The following ADAMTSL1 variants were observed in gnomAD, a reference collection of about 807,000 sequenced individuals.
ADAMTSL1 encodes ADAMTS-like protein 1.
In ADAMTSL1, 126 loss-of-function variants were observed where a neutral mutation model predicts 201.8. That is an observed-to-expected ratio of 0.62 (90% CI 0.54 to 0.72). The LOEUF is 0.72. Ranked by LOEUF, ADAMTSL1 falls within the 30% of genes least tolerant of loss-of-function variation. The probability of loss-of-function intolerance (pLI) is 0.00; values close to 1 mark genes in which losing one functional copy is unlikely to be tolerated. For missense variants in ADAMTSL1, 2,679 were observed against 2,277.8 expected, an observed-to-expected ratio of 1.18 and a Z score of -3.59; for synonymous variants, 1,121 against 903.4, an observed-to-expected ratio of 1.24 and a Z score of -4.32.
intron 15 of ADAMTSL1, among the ~76,000 whole-genome samples, chr9:18,729,817 T>G (rs1312607270): frequency 3.3e-5 from 5 of 152,202 alleles, no homozygotes; most frequent in African/African-American, 1.2e-4. Flanking sequence ...ACACTTATTA[T>G]CTTAAGCCTC....
At chr9:18,238,208 AT>A in intron 2 of ADAMTSL1, among the ~76,000 whole-genome samples, 1 of 152,298 alleles carries the variant, frequency 6.6e-6, no homozygotes, top group Non-Finnish European at 1.5e-5. Flanking sequence ...CTATGTGGAA[AT>A]TTCTGTGAAA....
At chr9:18,324,416 T>TC (rs1834745629) in intron 2 of ADAMTSL1, among the ~76,000 whole-genome samples, 1 of 151,700 alleles carries the variant, frequency 6.6e-6, no homozygotes, top group Non-Finnish European at 1.5e-5. Context: ...CAAAGATTTT[T>TC]TTTTTTTTTT....
chr9:18,676,026 A>G, intron 10 of ADAMTSL1, 119 bp downstream of exon 10: 2 of 1,021,538 alleles, frequency 2.0e-6, no homozygotes, highest in Middle Eastern at 2.1e-4. Flanking sequence ...AAGATGGTAG[A>G]TGGTATATTT....
chr9:18,278,134 A>G lies in ADAMTSL1; in HGVS notation c.207+114153A>G, dbSNP rs1374584068. On this transcript the variant is annotated intron_variant, in intron 2 of 29. Transcript: ENST00000680146. ...TGTGTATTCATTAGGAAACTATTTT[A>G]TAGTTATTTTTAATACTTTATCATT... 3.3e-5 allele frequency among the ~76,000 whole-genome samples: 5 copies of G among 152,248 alleles called. No homozygotes were observed. The East Asian group carries it at 9.7e-4, about 29-fold the overall frequency.
rs532657614 is a variant in ADAMTSL1, at chr9:18,711,438, CG to C, written c.1876+4391del. Among the ~76,000 whole-genome samples, 10 of 149,562 alleles carry C rather than the reference CG, an allele frequency of 6.7e-5. No individual in the cohort carries two copies. The East Asian group carries it at 2.0e-3, about 30-fold the overall frequency. On this transcript the variant is annotated intron_variant, in intron 14 of 28. Coordinates refer to ENST00000380548, the MANE Select transcript of ADAMTSL1 (RefSeq NM_001040272.6). ...GCGAGGCATTGCCTCACTCGGGAAG[CG>C]CAAGGGGTCAGGGAGTTCCCTTTCC...
At chr9:18,718,103 G>T in intron 14 of ADAMTSL1, 1 of 1,284,622 alleles carries the variant, frequency 7.8e-7, no homozygotes, top group Non-Finnish European at 1.1e-6. Context: ...ATCTAAGAAT[G>T]CACAGTTGTT....
intron 26 of ADAMTSL1, among the ~76,000 whole-genome samples, chr9:18,895,484 G>C (rs372263500): frequency 7.9e-5 from 11 of 138,530 alleles, no homozygotes; most frequent in African/African-American, 3.0e-4. Context: ...GCCACTACTT[G>C]TGAAATCTGC....
intron 1 of ADAMTSL1, among the ~76,000 whole-genome samples, chr9:18,020,002 G>A (rs1055017667): frequency 6.6e-6 from 1 of 152,038 alleles, no homozygotes; most frequent in East Asian, 1.9e-4. Context: ...GAACACAAAT[G>A]TGTACATTGG....
chr9:18,539,014 T>C (rs1819968681), intron 3 of ADAMTSL1, among the ~76,000 whole-genome samples: 1 of 148,114 alleles, frequency 6.8e-6, no homozygotes, highest in Non-Finnish European at 1.5e-5. Flanking sequence ...GTGAGCCAAC[T>C]CTTTCCAGCC....
chr9:18,553,356 A>G (rs1320652221), intron 3 of ADAMTSL1, among the ~76,000 whole-genome samples: 1 of 151,564 alleles, frequency 6.6e-6, no homozygotes, highest in Non-Finnish European at 1.5e-5. Flanking sequence ...CCTATCAAAT[A>G]ATTCATGTCT....
At chr9:18,085,759 A>ATG (rs1304845520) in intron 1 of ADAMTSL1, among the ~76,000 whole-genome samples, 6 of 151,030 alleles carry the variant, frequency 4.0e-5, no homozygotes, top group African/African-American at 1.2e-4. Flanking sequence ...ATACATATAT[A>ATG]TGTGTGTGTG....
rs185097800 is a variant in ADAMTSL1 at position 18,526,346 on chromosome 9, T to C, written c.192-6901T>C. Among the ~76,000 whole-genome samples, 502 of 152,370 alleles carry C rather than the reference T, an allele frequency of 3.3e-3. 6 individuals carry two copies. Among genetic ancestry groups the C allele is most frequent in the East Asian group, 0.02 (106 of 5,188 alleles). On this transcript the variant is annotated intron_variant, in intron 2 of 28. Transcript: ENST00000380548. ...CCTATGTGTGTCTCTGCACATGAGATGGGTCTCCTGAATACAGCACACTGA... is the reference window on the plus strand; with the variant it reads ...CCTATGTGTGTCTCTGCACATGAGACGGGTCTCCTGAATACAGCACACTGA...
At chr9:18,125,367 T>C (rs1192061102) in intron 1 of ADAMTSL1, among the ~76,000 whole-genome samples, 1 of 152,108 alleles carries the variant, frequency 6.6e-6, no homozygotes, top group Admixed American at 6.5e-5. Flanking sequence ...CCCACGACCA[T>C]GTGGGAGTTG....
At chr9:18,178,180 G>A (rs992288818) in intron 2 of ADAMTSL1, among the ~76,000 whole-genome samples, 16 of 152,316 alleles carry the variant, frequency 1.1e-4, no homozygotes, top group South Asian at 2.1e-4. Context: ...CACTGTGCGC[G>A]AGCCGAAGCA....
chr9:18,806,373 G>C (rs960081458), intron 20 of ADAMTSL1, among the ~76,000 whole-genome samples: 2 of 152,204 alleles, frequency 1.3e-5, no homozygotes, highest in Non-Finnish European at 2.9e-5. Flanking sequence ...AAAAAGGCTG[G>C]AAAATTATCT....
At chr9:17,926,234 A>G (rs1310143496) in intron 1 of ADAMTSL1, among the ~76,000 whole-genome samples, 1 of 152,210 alleles carries the variant, frequency 6.6e-6, no homozygotes, top group Non-Finnish European at 1.5e-5. Context: ...GTTGTTTATT[A>G]TTAAAGAGTG....
intron 2 of ADAMTSL1, among the ~76,000 whole-genome samples, chr9:18,425,109 A>T (rs1483954845): frequency 6.6e-6 from 1 of 151,894 alleles, no homozygotes; most frequent in Non-Finnish European, 1.5e-5. Flanking sequence ...TCTGCTTTGC[A>T]ATTTTTCTGT....
chr9:18,644,891 G>C (rs1368709156), intron 7 of ADAMTSL1, among the ~76,000 whole-genome samples: 3 of 151,602 alleles, frequency 2.0e-5, no homozygotes, highest in Non-Finnish European at 4.4e-5. Flanking sequence ...ATAGTCCTTT[G>C]GGTATATACC....
At chr9:18,430,028 G>A (rs1160344121) in intron 2 of ADAMTSL1, among the ~76,000 whole-genome samples, 1 of 152,114 alleles carries the variant, frequency 6.6e-6, no homozygotes, top group Non-Finnish European at 1.5e-5. Context: ...GACCTCAGGT[G>A]ATCCACCCAT....
Sources: gnomAD v4.1 joint callset for allele counts (sites outside exome capture counted in the v4.1 genomes callset) on GRCh38, gnomAD v4.1.1 for gene constraint, MANE v1.5 for transcripts, NCBI Gene and HGNC (gene_info 2026-07-23, HGNC 2026-07-21) for gene names.